Variants in CREB5 observed in about 807,000 individuals in gnomAD.
The protein encoded by CREB5 is cAMP responsive element binding protein 5.
In CREB5, 19 loss-of-function variants were observed where a neutral mutation model predicts 57.1. The observed-to-expected ratio is 0.33, with a 90% CI of 0.23 to 0.49. The LOEUF is 0.49. CREB5 is among the 20% of genes least tolerant of loss of function. The pLI, the probability that CREB5 is intolerant of heterozygous loss-of-function variation, is 0.99. For missense variants in CREB5, 579 were observed against 671.6 expected, an observed-to-expected ratio of 0.86 and a Z score of 1.52; for synonymous variants, 238 against 238.3, an observed-to-expected ratio of 1.00 and a Z score of 0.01.
intron 1 of CREB5, among the ~76,000 whole-genome samples, chr7:28,343,026 C>T (rs1222312892): frequency 3.3e-5 from 5 of 151,994 alleles, no homozygotes; most frequent in East Asian, 1.9e-4. Context: ...CTGCAAGCTC[C>T]GCCTCCCGGG....
intron 1 of CREB5, among the ~76,000 whole-genome samples, chr7:28,428,058 G>A (rs1788575849): frequency 6.6e-6 from 1 of 152,196 alleles, no homozygotes; most frequent in South Asian, 2.1e-4. Context: ...CCAGGAAGGT[G>A]GACTTTCAGA....
At chr7:28,352,393 T>C (rs1583701891) in intron 1 of CREB5, among the ~76,000 whole-genome samples, 1 of 152,336 alleles carries the variant, frequency 6.6e-6, no homozygotes, top group East Asian at 1.9e-4. Flanking sequence ...AGAGGGAGTG[T>C]ATTACCTAAG....
At chr7:28,371,387 G>A (rs1163180031) in intron 1 of CREB5, among the ~76,000 whole-genome samples, 2 of 152,000 alleles carry the variant, frequency 1.3e-5, no homozygotes, top group Non-Finnish European at 2.9e-5. Context: ...TACTCGGGAG[G>A]TTGAGGCAGG....
In CREB5 at chr7:28,418,955, C is replaced by T. The variant is rs76665435; in HGVS notation, c.3+6038C>T. On this transcript the variant is annotated intron_variant, in intron 1 of 10. Transcript: ENST00000357727. The stretch of plus-strand genomic sequence containing the variant: ...ACATTCTTTCGGGTGCTTTCCCATG[C>T]ATTATTTGCAGTTAAATGGTTTCCT... Among the ~76,000 whole-genome samples the T allele has an allele frequency of 6.5e-3, 987 of 152,306 alleles. 12 individuals carry two copies. Among genetic ancestry groups the T allele is most frequent in the African/African-American group, 0.023 (945 of 41,562 alleles).
chr7:28,550,663 G>T (rs1351712261), intron 4 of CREB5, among the ~76,000 whole-genome samples: 1 of 152,156 alleles, frequency 6.6e-6, no homozygotes. Context: ...CCCCAGTCAG[G>T]TGGATATTGC....
intron 1 of CREB5, among the ~76,000 whole-genome samples, chr7:28,346,785 G>A (rs1786065668): frequency 6.6e-6 from 1 of 152,098 alleles, no homozygotes; most frequent in Non-Finnish European, 1.5e-5. Flanking sequence ...GGGAGAATAC[G>A]TCCATCCTTC....
In CREB5 at chr7:28,389,997, T is replaced by C. The variant is rs143373599; in HGVS notation, c.-25+90556T>C. On this transcript the variant is annotated intron_variant, in intron 1 of 9. Coordinates refer to the CREB5 transcript ENST00000396299. ...CTGGTATCCTGGAGGCTCTGTAATT[T>C]ACTCCTACAGTTCCCGGTCATAACG... 3.9e-5 allele frequency among the ~76,000 whole-genome samples: 6 copies of C among 152,082 alleles called. 1 individual carries two copies. The highest frequency in any genetic ancestry group is 8.8e-5 in the Non-Finnish European group (6 of 67,974).
chr7:28,326,276 T>A (rs578248274), intron 1 of CREB5, among the ~76,000 whole-genome samples: 2 of 152,278 alleles, frequency 1.3e-5, no homozygotes, highest in Admixed American at 6.5e-5. Context: ...TACTACATAC[T>A]TTTTTAAACC....
intron 1 of CREB5, among the ~76,000 whole-genome samples, chr7:28,361,715 T>A (rs1786488203): frequency 6.6e-6 from 1 of 152,176 alleles, no homozygotes; most frequent in African/African-American, 2.4e-5. Flanking sequence ...CCCACAGCAT[T>A]CAATACATTT....
chr7:28,490,556 G>T (rs1371432945), intron 2 of CREB5, among the ~76,000 whole-genome samples: 1 of 152,224 alleles, frequency 6.6e-6, no homozygotes, highest in Non-Finnish European at 1.5e-5. Flanking sequence ...TTAGTCATTA[G>T]ACTGTATGGC....
chr7:28,758,975 A>G (rs965338854), intron 7 of CREB5, among the ~76,000 whole-genome samples: 1 of 152,126 alleles, frequency 6.6e-6, no homozygotes, highest in Non-Finnish European at 1.5e-5. Context: ...CCAATGGAAG[A>G]GCAAATGGTT....
chr7:28,805,944 G>C (rs1808703004), intron 8 of CREB5, among the ~76,000 whole-genome samples: 1 of 151,850 alleles, frequency 6.6e-6, no homozygotes, highest in South Asian at 2.1e-4. Context: ...GCAATCAAAT[G>C]CTATCCAGAG....
chr7:28,794,185 CT>C (rs1807892641), intron 7 of CREB5, among the ~76,000 whole-genome samples: 1 of 152,160 alleles, frequency 6.6e-6, no homozygotes, highest in Non-Finnish European at 1.5e-5. Context: ...CAAGGGATTA[CT>C]TTTTTCCAAT....
intron 4 of CREB5, among the ~76,000 whole-genome samples, chr7:28,562,342 G>C (rs1464134208): frequency 1.3e-5 from 2 of 152,176 alleles, no homozygotes; most frequent in Admixed American, 1.3e-4. Context: ...CACCTGAGAA[G>C]ATATTTATTG....
At chr7:28,400,236 A>G (rs948620380) in intron 1 of CREB5, among the ~76,000 whole-genome samples, 1 of 152,184 alleles carries the variant, frequency 6.6e-6, no homozygotes, top group Non-Finnish European at 1.5e-5. Context: ...CAACTTCCTT[A>G]CTTATTACCT....
At chr7:28,428,542 G>A (rs1461669304) in intron 1 of CREB5, among the ~76,000 whole-genome samples, 1 of 152,190 alleles carries the variant, frequency 6.6e-6, no homozygotes, top group Non-Finnish European at 1.5e-5. Context: ...GATTGGCTGT[G>A]AAGATAAGTA....
chr7:28,518,179 T>C (rs191028660), intron 4 of CREB5, among the ~76,000 whole-genome samples: 2 of 152,300 alleles, frequency 1.3e-5, no homozygotes, highest in East Asian at 3.9e-4. Context: ...GAATACACCA[T>C]CTGTTCTAAG....
intron 1 of CREB5, among the ~76,000 whole-genome samples, chr7:28,349,014 C>A (rs981815695): frequency 8.5e-5 from 13 of 152,208 alleles, no homozygotes; most frequent in Admixed American, 7.8e-4. Flanking sequence ...ATTCCACAGA[C>A]AAACGTTGCC....
At chr7:28,386,536 T>G (rs1484984917) in intron 1 of CREB5, among the ~76,000 whole-genome samples, 2 of 152,190 alleles carry the variant, frequency 1.3e-5, no homozygotes, top group African/African-American at 2.4e-5. Context: ...CCTCAGGACT[T>G]GTGCTTTCTG....
Sources: allele counts gnomAD v4.1 joint callset (sites outside exome capture counted in the v4.1 genomes callset), GRCh38; gene constraint gnomAD v4.1.1; transcripts MANE v1.5; gene names NCBI Gene and HGNC (gene_info 2026-07-23, HGNC 2026-07-21).